Variants in TYW1 observed in about 807,000 individuals in gnomAD.
TYW1 encodes tRNA-yW synthesizing protein 1 homolog.
In TYW1, 46 loss-of-function variants were observed where a neutral mutation model predicts 96.2. That is an observed-to-expected ratio of 0.48 (90% CI 0.38 to 0.61). TYW1 has a LOEUF of 0.61. Among genes scored for constraint, TYW1 ranks in the 20% least tolerant of loss-of-function variants. TYW1 has a pLI of 0.00. For synonymous variants in TYW1, 274 were observed against 323.0 expected, an observed-to-expected ratio of 0.85 and a Z score of 1.63; for missense variants, 684 against 909.6, an observed-to-expected ratio of 0.75 and a Z score of 3.19.
At chr7:67,108,631 G>A (rs374426209) in intron 12 of TYW1, among the ~76,000 whole-genome samples, 10 of 150,168 alleles carry the variant, frequency 6.7e-5, no homozygotes, top group East Asian at 6.1e-4. Context: ...TGAGAGAAAC[G>A]GGGTTTCACC....
intron 8 of TYW1, among the ~76,000 whole-genome samples, chr7:67,052,384 T>G (rs1795384836): frequency 6.6e-6 from 1 of 152,232 alleles, no homozygotes; most frequent in Non-Finnish European, 1.5e-5. Context: ...GGTTAGTTTC[T>G]ATTGCTATGT....
intron 7 of TYW1, among the ~76,000 whole-genome samples, chr7:67,036,376 G>C (rs866025348): frequency 1.2e-4 from 18 of 152,290 alleles, no homozygotes; most frequent in African/African-American, 4.3e-4. Flanking sequence ...TTTATCAAAA[G>C]AGATTATATC....
At chr7:67,131,983 G>A (rs1301348829) in intron 13 of TYW1, among the ~76,000 whole-genome samples, 2 of 152,194 alleles carry the variant, frequency 1.3e-5, no homozygotes, top group Non-Finnish European at 2.9e-5. Flanking sequence ...ATTAGATGGT[G>A]CCCACCCAGA....
At chr7:67,211,934 A>T (rs1801043854) in intron 15 of TYW1, among the ~76,000 whole-genome samples, 1 of 152,212 alleles carries the variant, frequency 6.6e-6, no homozygotes, top group African/African-American at 2.4e-5. Flanking sequence ...CTCTTATCAC[A>T]GTCTTCACTC....
intron 15 of TYW1, among the ~76,000 whole-genome samples, chr7:67,202,597 G>A (rs1374618554): frequency 2.6e-5 from 4 of 151,988 alleles, no homozygotes; most frequent in South Asian, 4.2e-4. Context: ...GGGTCCCACT[G>A]TGTTGGCCAG....
chr7:67,110,283 A>C (rs1337544413), intron 12 of TYW1, among the ~76,000 whole-genome samples: 1 of 152,168 alleles, frequency 6.6e-6, no homozygotes, highest in African/African-American at 2.4e-5. Context: ...CCCCACTCAC[A>C]CGATCAGGGC....
At chr7:67,132,971 T>G (rs1584601285) in intron 13 of TYW1, among the ~76,000 whole-genome samples, 1 of 152,272 alleles carries the variant, frequency 6.6e-6, no homozygotes, top group East Asian at 1.9e-4. Context: ...CTTTCGGAAC[T>G]AACCTGTGGT....
intron 10 of TYW1, among the ~76,000 whole-genome samples, chr7:67,081,987 A>G (rs1690410114): frequency 1.3e-5 from 2 of 148,238 alleles, no homozygotes; most frequent in South Asian, 2.2e-4. Context: ...TGTGATATCT[A>G]TCTCTCTTGA....
intron 13 of TYW1, among the ~76,000 whole-genome samples, chr7:67,118,671 G>C (rs1797671437): frequency 6.6e-6 from 1 of 151,850 alleles, no homozygotes; most frequent in Non-Finnish European, 1.5e-5. Flanking sequence ...AAGGTGGGCA[G>C]ATCACTTGAG....
At chr7:67,203,637 C>T (rs1378918109) in intron 15 of TYW1, among the ~76,000 whole-genome samples, 2 of 152,108 alleles carry the variant, frequency 1.3e-5, no homozygotes, top group African/African-American at 4.8e-5. Flanking sequence ...CATCATATTA[C>T]AATTTTTGCT....
chr7:67,111,648 T>G (rs1249875274), intron 12 of TYW1, among the ~76,000 whole-genome samples: 1 of 151,938 alleles, frequency 6.6e-6, no homozygotes, highest in Non-Finnish European at 1.5e-5. Flanking sequence ...GAGAGAGAAA[T>G]GAGAAGAAAG....
intron 6 of TYW1, among the ~76,000 whole-genome samples, chr7:67,024,526 A>G (rs974893923): frequency 1.3e-4 from 20 of 152,054 alleles, no homozygotes; most frequent in African/African-American, 4.3e-4. Flanking sequence ...CACGCCTGTA[A>G]TCTCAGCACT....
intron 7 of TYW1, among the ~76,000 whole-genome samples, chr7:67,044,945 A>G (rs566725935): frequency 6.6e-6 from 1 of 152,164 alleles, no homozygotes; most frequent in Non-Finnish European, 1.5e-5. Flanking sequence ...ATAGGAATTG[A>G]TAAGAAAAGG....
intron 13 of TYW1, among the ~76,000 whole-genome samples, chr7:67,134,945 C>CA (rs55746054): frequency 0.074 from 4,898 of 66,296 alleles, 294 homozygotes; most frequent in African/African-American, 0.1. Context: ...CTTTCTCTAC[C>CA]AAAAAAAAAA....
intron 6 of TYW1, among the ~76,000 whole-genome samples, chr7:67,018,971 A>C (rs1440468642): frequency 2.4e-4 from 24 of 100,758 alleles, no homozygotes; most frequent in East Asian, 1.2e-3. Flanking sequence ...AAAAAAAAAA[A>C]AAGAAAAAAA....
chr7:67,048,948 T>A (rs1795275182), intron 7 of TYW1, among the ~76,000 whole-genome samples: 1 of 152,162 alleles, frequency 6.6e-6, no homozygotes. Flanking sequence ...CGGGAGGTGG[T>A]GTTTGCAGTG....
intron 12 of TYW1, among the ~76,000 whole-genome samples, chr7:67,104,317 G>A (rs1797174236): frequency 6.6e-6 from 1 of 152,184 alleles, no homozygotes; most frequent in Non-Finnish European, 1.5e-5. Context: ...GGCAGGGGAG[G>A]CCTCAGGAAA....
intron 13 of TYW1, among the ~76,000 whole-genome samples, chr7:67,132,373 G>A (rs1798106809): frequency 6.6e-6 from 1 of 152,052 alleles, no homozygotes; most frequent in Non-Finnish European, 1.5e-5. Context: ...GCCTCCCAAA[G>A]TGCTGGGATT....
intron 15 of TYW1, among the ~76,000 whole-genome samples, chr7:67,223,486 AT>A (rs1322542505): frequency 6.6e-6 from 1 of 151,842 alleles, no homozygotes. Context: ...AAATATGTTT[AT>A]TTTTTAATGT....
Sources: gnomAD v4.1 joint callset for allele counts (sites outside exome capture counted in the v4.1 genomes callset) on GRCh38, gnomAD v4.1.1 for gene constraint, MANE v1.5 for transcripts, NCBI Gene and HGNC (gene_info 2026-07-23, HGNC 2026-07-21) for gene names.